Variants in PKIG observed in about 807,000 individuals in gnomAD.
PKIG encodes the protein cAMP-dependent protein kinase inhibitor gamma.
A neutral mutation model predicts 6.8 loss-of-function variants in PKIG; 1 was observed. That is an observed-to-expected ratio of 0.15 (90% CI 0.05 to 0.69). The LOEUF (loss-of-function observed/expected upper bound fraction) is 0.69, where lower values mean the gene tolerates loss of function less well. Among genes scored for constraint, PKIG ranks in the 30% least tolerant of loss-of-function variants. The probability of loss-of-function intolerance (pLI) is 0.82; values close to 1 mark genes in which losing one functional copy is unlikely to be tolerated. For missense variants in PKIG, 77 were observed against 104.0 expected, an observed-to-expected ratio of 0.74 and a Z score of 1.13; for synonymous variants, 39 against 43.0, an observed-to-expected ratio of 0.91 and a Z score of 0.36.
intron 1 of PKIG, among the ~76,000 whole-genome samples, chr20:44,544,575 A>C (rs1478600575): frequency 6.6e-6 from 1 of 152,216 alleles, no homozygotes; most frequent in Non-Finnish European, 1.5e-5. Context: ...CTCTCTAGCC[A>C]AACGGTCTTT....
chr20:44,536,392 A>G (rs914748365), intron 1 of PKIG, among the ~76,000 whole-genome samples: 3 of 152,180 alleles, frequency 2.0e-5, no homozygotes, highest in African/African-American at 7.2e-5. Context: ...AAAAAAAATG[A>G]GGAAGTATCT....
rs2664557 is a variant in PKIG at position 44,618,754 on chromosome 20, C to G, written c.*390C>G. On this transcript the variant is annotated 3_prime_UTR_variant, in exon 4 of 4. Coordinates refer to ENST00000372886, the MANE Select transcript of PKIG (RefSeq NM_001281445.2). ...AACACCTCCTCTCCAGCCCAATCTT[C>G]TGGGTCCAGACCTGCTTGTCCCTTT... The G allele has an allele frequency of 5.4e-6, 1 of 184,140 alleles. No homozygotes were observed. Among genetic ancestry groups the G allele is most frequent in the East Asian group, 1.4e-4 (1 of 7,014 alleles). The allele number at this position is 184,140 out of a possible 1,614,324, so 11.4% of individuals were successfully genotyped here.
At chr20:44,559,652 A>G (rs2064749341) in intron 1 of PKIG, among the ~76,000 whole-genome samples, 1 of 152,234 alleles carries the variant, frequency 6.6e-6, no homozygotes. Flanking sequence ...CCAAATAGAA[A>G]GAAGTGACTG....
chr20:44,539,298 G>A (rs1208206066), intron 1 of PKIG, among the ~76,000 whole-genome samples: 5 of 152,094 alleles, frequency 3.3e-5, no homozygotes, highest in Non-Finnish European at 7.3e-5. Context: ...CAAACAAGGT[G>A]CCTGTATTAG....
intron 1 of PKIG, among the ~76,000 whole-genome samples, chr20:44,584,881 G>A (rs1379808630): frequency 1.3e-5 from 2 of 152,070 alleles, no homozygotes; most frequent in South Asian, 2.1e-4. Context: ...CTGCCACCAC[G>A]CCCAGCTAAT....
In PKIG at chr20:44,618,462, T is replaced by C; in HGVS notation, c.*98T>C. 1 of 853,908 alleles carries C rather than the reference T, an allele frequency of 1.2e-6. No individual in the cohort carries two copies. Among genetic ancestry groups the C allele is most frequent in the Non-Finnish European group, 2.0e-6 (1 of 498,358 alleles). 52.9% of individuals were successfully genotyped at this position (853,908 alleles called of 1,614,324 possible). A position where few individuals can be genotyped will look rare whatever the true frequency, so the allele number is the denominator to read the frequency against. On this transcript the variant is annotated 3_prime_UTR_variant, in exon 4 of 4. Transcript: ENST00000372886. ...CCAGCAGCCTCTTCTCTGAGCTCCATGTCCCAGATAAACCAGGCCAGACTG... is the reference window on the plus strand; with the variant it reads ...CCAGCAGCCTCTTCTCTGAGCTCCACGTCCCAGATAAACCAGGCCAGACTG...
Position 44,608,922 on chromosome 20 carries a change from A to G in PKIG, c.-23-5612A>G, listed in dbSNP as rs186400253. Among the ~76,000 whole-genome samples, 50 of 152,308 alleles carry G rather than the reference A, an allele frequency of 3.3e-4. 1 individual carries two copies. The highest frequency in any genetic ancestry group is 2.9e-3 in the Admixed American group (45 of 15,296). ...TTTAGTAGCTAAAAGATATGGAAAA[A>G]GTTGAGGTTTCTGGATACACACTGT... On this transcript the variant is annotated intron_variant, in intron 2 of 3. Coordinates refer to ENST00000372886, the MANE Select transcript of PKIG (RefSeq NM_001281445.2).
chr20:44,546,954 C>T (rs1342682404), intron 1 of PKIG, among the ~76,000 whole-genome samples: 4 of 152,206 alleles, frequency 2.6e-5, no homozygotes, highest in African/African-American at 9.6e-5. Flanking sequence ...TCACATAGCA[C>T]TTCAAACTTT....
chr20:44,550,384 A>G lies in PKIG; in HGVS notation c.-241+18406A>G, dbSNP rs548194566. On this transcript the variant is annotated intron_variant, in intron 1 of 4. Transcript: ENST00000372887. ...TCTGGAAATTTAGCCATATTAATGC[A>G]GTCTTTTTTACATTATTAACTGAAA... Among the ~76,000 whole-genome samples, 3 of 152,068 alleles carry G rather than the reference A, an allele frequency of 2.0e-5. 1 individual carries two copies. The highest frequency in any genetic ancestry group is 7.2e-5 in the African/African-American group (3 of 41,476).
At chr20:44,615,467 C>A (rs1568837901) in intron 3 of PKIG, among the ~76,000 whole-genome samples, 1 of 152,232 alleles carries the variant, frequency 6.6e-6, no homozygotes, top group Non-Finnish European at 1.5e-5. Flanking sequence ...GACCGAATGA[C>A]AAAAGGAAAC....
intron 1 of PKIG, among the ~76,000 whole-genome samples, chr20:44,539,752 A>AT (rs35936730): frequency 0.075 from 11,383 of 151,840 alleles, 611 homozygotes; most frequent in Non-Finnish European, 0.11. Context: ...ACATTATGAG[A>AT]TTTTTTGTGT....
At chr20:44,558,331 A>G (rs1391734218) in intron 1 of PKIG, among the ~76,000 whole-genome samples, 1 of 152,092 alleles carries the variant, frequency 6.6e-6, no homozygotes, top group Non-Finnish European at 1.5e-5. Context: ...TATTCTCTCC[A>G]TTTTGTGGGT....
At chr20:44,543,110 A>G (rs2064577371) in intron 1 of PKIG, among the ~76,000 whole-genome samples, 2 of 152,186 alleles carry the variant, frequency 1.3e-5, no homozygotes, top group South Asian at 2.1e-4. Flanking sequence ...GGCACTTTCT[A>G]CTTACTGCAC....
At chr20:44,542,679 G>A (rs959728744) in intron 1 of PKIG, among the ~76,000 whole-genome samples, 2 of 151,866 alleles carry the variant, frequency 1.3e-5, no homozygotes, top group African/African-American at 4.8e-5. Flanking sequence ...CTCAGCCTCC[G>A]CCTCCTGGGT....
chr20:44,533,386 G>A (rs2064485032), intron 1 of PKIG, among the ~76,000 whole-genome samples: 1 of 152,224 alleles, frequency 6.6e-6, no homozygotes, highest in East Asian at 1.9e-4. Context: ...TGTGTAGGTA[G>A]TAAGGAAGCA....
chr20:44,567,916 C>T (rs2123275601), intron 1 of PKIG, among the ~76,000 whole-genome samples: 1 of 152,278 alleles, frequency 6.6e-6, no homozygotes, highest in South Asian at 2.1e-4. Flanking sequence ...GAGGCTGAGG[C>T]TGGCAGATCG....
At chr20:44,581,248 T>G (rs1319829096), upstream of PKIG, among the ~76,000 whole-genome samples, 1 of 152,222 alleles carries the variant, frequency 6.6e-6, no homozygotes, top group Non-Finnish European at 1.5e-5. Flanking sequence ...TATCTGATTC[T>G]CCTAAGGATG....
chr20:44,609,796 G>C (rs916725376), intron 2 of PKIG, among the ~76,000 whole-genome samples: 5 of 152,220 alleles, frequency 3.3e-5, no homozygotes, highest in African/African-American at 1.2e-4. Flanking sequence ...TTCCAGAGCA[G>C]CGGGTTTCAG....
chr20:44,541,813 C>T (rs540417286), intron 1 of PKIG, among the ~76,000 whole-genome samples: 22 of 150,838 alleles, frequency 1.5e-4, no homozygotes, highest in African/African-American at 4.1e-4. Context: ...CTCAGCCTCC[C>T]GAGTAGCTGG....
Sources: gnomAD v4.1 joint callset for allele counts (sites outside exome capture counted in the v4.1 genomes callset) on GRCh38, gnomAD v4.1.1 for gene constraint, MANE v1.5 for transcripts, NCBI Gene and HGNC (gene_info 2026-07-23, HGNC 2026-07-21) for gene names.